Variants in SLC13A1 observed in about 807,000 individuals in gnomAD.
The protein encoded by SLC13A1 is solute carrier family 13 member 1, also known as Na(+)/sulfate cotransporter.
SLC13A1 carries 65 observed loss-of-function variants against 70.0 expected under a neutral mutation model. The observed-to-expected ratio is 0.93, with a 90% CI of 0.76 to 1.14. The LOEUF is 1.14. SLC13A1 is among the 50% of genes most tolerant of loss of function. The pLI, the probability that SLC13A1 is intolerant of heterozygous loss-of-function variation, is 0.00. For missense variants in SLC13A1, 726 were observed against 717.8 expected (o/e 1.01, Z -0.13); for synonymous variants, 275 against 250.5 (o/e 1.10, Z -0.92).
intron 7 of SLC13A1, among the ~76,000 whole-genome samples, 164 bp downstream of exon 7, chr7:123,146,995 C>A (rs1164840581): frequency 6.6e-6 from 1 of 152,102 alleles, no homozygotes; most frequent in African/African-American, 2.4e-5. Context: ...ATATTTAATT[C>A]TCAGTATAAA....
intron 1 of SLC13A1, among the ~76,000 whole-genome samples, chr7:123,188,705 C>A (rs1162762392): frequency 6.6e-6 from 1 of 151,898 alleles, no homozygotes; most frequent in Admixed American, 6.6e-5. Context: ...TTTTCTTAGT[C>A]TCTGGCTTGT....
intron 14 of SLC13A1, among the ~76,000 whole-genome samples, chr7:123,116,244 T>G (rs1472174261): frequency 1.3e-5 from 2 of 152,208 alleles, no homozygotes; most frequent in Admixed American, 6.5e-5. Context: ...CTACAGTCCA[T>G]TAAACAATCT....
At chr7:123,192,817 T>G (rs1240777582) in intron 1 of SLC13A1, among the ~76,000 whole-genome samples, 1 of 152,168 alleles carries the variant, frequency 6.6e-6, no homozygotes, top group Non-Finnish European at 1.5e-5. Context: ...ATTGCAAAGT[T>G]TAAAGTGCTT....
chr7:123,149,069 G>T (rs1328518449), intron 6 of SLC13A1, among the ~76,000 whole-genome samples: 1 of 152,108 alleles, frequency 6.6e-6, no homozygotes. Flanking sequence ...TTCTTTCTAT[G>T]TAGGTAACAC....
chr7:123,116,684 T>C (rs951575721), intron 14 of SLC13A1, among the ~76,000 whole-genome samples: 3 of 152,202 alleles, frequency 2.0e-5, no homozygotes, highest in Admixed American at 6.5e-5. Flanking sequence ...TATTTTTGTG[T>C]AGAGGCAGTT....
rs935588235 is a variant in SLC13A1 at position 123,172,044 on chromosome 7, G to A, written c.229-140C>T. 6.7e-6 allele frequency: 5 copies of A among 748,282 alleles called. No individual in the cohort carries two copies. The East Asian group carries it at 1.4e-4, about 21-fold the overall frequency. The allele number at this position is 748,282 out of a possible 1,614,324, so 46.4% of individuals were successfully genotyped here. A position where few individuals can be genotyped will look rare whatever the true frequency, so the allele number is the denominator to read the frequency against. On this transcript the variant is annotated intron_variant, in intron 2 of 14. Transcript: ENST00000194130. ...ATTTTGTTGAGAAAAATGTAGATGT[G>A]TTTGAATACAAATTTAGACATGTTC...
intron 7 of SLC13A1, among the ~76,000 whole-genome samples, chr7:123,143,766 C>T (rs920368732): frequency 4.6e-5 from 7 of 152,086 alleles, no homozygotes; most frequent in Admixed American, 6.6e-5. Context: ...TGTCCTTGCA[C>T]GGGGTACTAT....
In SLC13A1 at chr7:123,114,104, A is replaced by AAAAAAAC; in HGVS notation, c.*1413_*1414insGTTTTTT. On this transcript the variant is annotated 3_prime_UTR_variant, in exon 15 of 15. Transcript: ENST00000194130. Reference sequence around the variant, plus strand: ...GTCTCAAAAAAAAAAAAAAAAAAAAAAAAGCAAAGGTTTATTTTTTGCTTT... The same window carrying AAAAAAAC: ...GTCTCAAAAAAAAAAAAAAAAAAAAAAAAAAACAAAGCAAAGGTTTATTTTTTGCTTT... 1 of 150,882 alleles carries AAAAAAAC rather than the reference A, an allele frequency of 6.6e-6. No homozygotes were observed. The highest frequency in any genetic ancestry group is 1.5e-5 in the Non-Finnish European group (1 of 67,772). The allele number at this position is 150,882 out of a possible 1,614,324, so 9.3% of individuals were successfully genotyped here.
chr7:123,120,682 C>T (rs1293570628), intron 12 of SLC13A1, among the ~76,000 whole-genome samples: 1 of 152,024 alleles, frequency 6.6e-6, no homozygotes, highest in Admixed American at 6.6e-5. Flanking sequence ...GATGTGAGCA[C>T]CAGATATCAT....
At position 123,125,694 on chromosome 7, in the gene SLC13A1, C is replaced by G; in HGVS notation, c.1134-19G>C. On this transcript the variant is annotated intron_variant, in intron 10 of 14. Coordinates refer to ENST00000194130, the MANE Select transcript of SLC13A1 (RefSeq NM_022444.4). ...AGGGTACCTGTAAAAGGGACAAATACATGTATTAAAAATAGCATCAAGAAC... is the reference window on the plus strand; with the variant it reads ...AGGGTACCTGTAAAAGGGACAAATAGATGTATTAAAAATAGCATCAAGAAC... The G allele has an allele frequency of 6.4e-7, 1 of 1,554,508 alleles. No homozygotes were observed.
intron 1 of SLC13A1, among the ~76,000 whole-genome samples, chr7:123,195,944 C>G (rs998488092): frequency 5.3e-5 from 8 of 151,944 alleles, no homozygotes; most frequent in African/African-American, 1.9e-4. Context: ...ATTTTCCCCT[C>G]TTACTTCTAA....
Position 123,158,928 on chromosome 7 carries a change from G to T in SLC13A1, c.660+9446C>A, listed in dbSNP as rs536405613. ...ATCACTCTCTGAAATACATTCAAAAGATATATTCAAGAAGAAGGACCATGA... is the reference window on the plus strand; with the variant it reads ...ATCACTCTCTGAAATACATTCAAAATATATATTCAAGAAGAAGGACCATGA... On this transcript the variant is annotated intron_variant, in intron 6 of 14. Coordinates refer to ENST00000194130, the MANE Select transcript of SLC13A1 (RefSeq NM_022444.4). Among the ~76,000 whole-genome samples, 207 of 152,128 alleles carry T rather than the reference G, an allele frequency of 1.4e-3. 8 individuals are homozygous for T. The South Asian group carries it at 0.04, about 30-fold the overall frequency.
chr7:123,153,559 G>C (rs534422003), intron 6 of SLC13A1, among the ~76,000 whole-genome samples: 1 of 152,182 alleles, frequency 6.6e-6, no homozygotes, highest in East Asian at 1.9e-4. Context: ...ATGAGGACTA[G>C]AGGGACAGTA....
chr7:123,136,259 G>T lies in SLC13A1; in HGVS notation c.813-1730C>A, dbSNP rs915304537. ...GGGCTTTTCAGAATTTTTGCCTGGAGGAATAGTTTTAGAAAAATGAAAGCC... is the reference window on the plus strand; with the variant it reads ...GGGCTTTTCAGAATTTTTGCCTGGATGAATAGTTTTAGAAAAATGAAAGCC... On this transcript the variant is annotated intron_variant, in intron 7 of 14. Coordinates refer to ENST00000194130, the MANE Select transcript of SLC13A1 (RefSeq NM_022444.4). 6.6e-5 allele frequency among the ~76,000 whole-genome samples: 10 copies of T among 152,226 alleles called. No homozygotes were observed. In the East Asian group the frequency reaches 1.9e-3, roughly 29 times the overall value.
intron 1 of SLC13A1, among the ~76,000 whole-genome samples, chr7:123,193,786 TTCAC>T: frequency 6.6e-6 from 1 of 152,228 alleles, no homozygotes; most frequent in African/African-American, 2.4e-5. Flanking sequence ...ACAGTGGGCA[TTCAC>T]ATTTACTATT....
intron 2 of SLC13A1, among the ~76,000 whole-genome samples, chr7:123,177,164 T>A (rs191172455): frequency 1.8e-4 from 28 of 152,264 alleles, no homozygotes; most frequent in South Asian, 4.1e-4. Context: ...CCCATTTCAA[T>A]TGATAGCAAC....
At chr7:123,187,025 C>T (rs1412429789) in intron 1 of SLC13A1, among the ~76,000 whole-genome samples, 3 of 151,508 alleles carry the variant, frequency 2.0e-5, no homozygotes, top group Admixed American at 2.0e-4. Flanking sequence ...TACTTTTCTA[C>T]TTAAAAATCT....
intron 2 of SLC13A1, among the ~76,000 whole-genome samples, chr7:123,177,396 A>G (rs999574996): frequency 1.3e-5 from 2 of 152,044 alleles, no homozygotes; most frequent in Non-Finnish European, 2.9e-5. Flanking sequence ...TTGTTTCTCA[A>G]CACAGCAGCC....
At chr7:123,183,492 T>G (rs1276606747) in intron 1 of SLC13A1, among the ~76,000 whole-genome samples, 1 of 152,280 alleles carries the variant, frequency 6.6e-6, no homozygotes, top group Non-Finnish European at 1.5e-5. Context: ...AGCATTTTAG[T>G]AAAATATCTG....
Sources: allele counts gnomAD v4.1 joint callset (sites outside exome capture counted in the v4.1 genomes callset), GRCh38; gene constraint gnomAD v4.1.1; transcripts MANE v1.5; gene names NCBI Gene and HGNC (gene_info 2026-07-23, HGNC 2026-07-21).